The following IL23R variants were observed in gnomAD, a reference collection of about 807,000 sequenced individuals.
IL23R encodes interleukin 23 receptor, also known as interleukin-23 receptor.
A neutral mutation model predicts 56.9 loss-of-function variants in IL23R; 34 were observed. That is an observed-to-expected ratio of 0.60 (90% CI 0.45 to 0.80). The LOEUF is 0.80. Ranked by LOEUF, IL23R falls within the 30% of genes least tolerant of loss-of-function variation. The pLI is 0.00. For synonymous variants in IL23R, 230 were observed against 249.2 expected, an observed-to-expected ratio of 0.92 and a Z score of 0.73; for missense variants, 635 against 730.0, an observed-to-expected ratio of 0.87 and a Z score of 1.50.
intron 1 of IL23R, among the ~76,000 whole-genome samples, chr1:67,146,744 C>T (rs549750881): frequency 1.3e-5 from 2 of 152,214 alleles, no homozygotes; most frequent in South Asian, 2.1e-4. Flanking sequence ...CAGAGAAGAC[C>T]GAAACCAAGA....
intron 10 of IL23R, among the ~76,000 whole-genome samples, chr1:67,256,517 T>C (rs1031614064): frequency 6.6e-6 from 1 of 152,180 alleles, no homozygotes; most frequent in Non-Finnish European, 1.5e-5. Flanking sequence ...GAACAAGCTA[T>C]GTGTGTTCCT....
intron 4 of IL23R, among the ~76,000 whole-genome samples, chr1:67,187,791 C>T (rs914396492): frequency 1.3e-5 from 2 of 152,174 alleles, no homozygotes; most frequent in Non-Finnish European, 2.9e-5. Context: ...GCTGGCCAGG[C>T]GCAGTGGCAC....
At chr1:67,261,556 C>T (rs1653206237), downstream of IL23R, among the ~76,000 whole-genome samples, 1 of 151,758 alleles carries the variant, frequency 6.6e-6, no homozygotes, top group African/African-American at 2.4e-5. Flanking sequence ...TTTTAAATCA[C>T]TAATGAAATG....
intron 7 of IL23R, among the ~76,000 whole-genome samples, chr1:67,225,750 TC>T (rs1241849950): frequency 6.6e-6 from 1 of 151,384 alleles, no homozygotes; most frequent in Non-Finnish European, 1.5e-5. Flanking sequence ...CCTCAAATGA[TC>T]CCCCTGCCTT....
intron 9 of IL23R, among the ~76,000 whole-genome samples, chr1:67,251,980 C>A (rs980734098): frequency 6.6e-6 from 1 of 152,100 alleles, no homozygotes; most frequent in African/African-American, 2.4e-5. Context: ...CAAAGTCAAG[C>A]TCCCAAGAAT....
At chr1:67,178,983 G>T (rs1647051317) in intron 3 of IL23R, among the ~76,000 whole-genome samples, 1 of 152,170 alleles carries the variant, frequency 6.6e-6, no homozygotes, top group Admixed American at 6.5e-5. Context: ...GATCATGGTG[G>T]ATAAGCTTTT....
At chr1:67,240,022 A>G (rs1651749802) in intron 8 of IL23R, among the ~76,000 whole-genome samples, 157 bp from the exon 9 acceptor site, 1 of 152,248 alleles carries the variant, frequency 6.6e-6, no homozygotes, top group African/African-American at 2.4e-5. Context: ...ACTCTGGAAA[A>G]ACAGTCACTC....
At chr1:67,160,023 AT>A (rs1646804589) in intron 1 of IL23R, among the ~76,000 whole-genome samples, 1 of 152,088 alleles carries the variant, frequency 6.6e-6, no homozygotes. Flanking sequence ...TTATTTATTT[AT>A]TTTTAAAAAA....
intron 6 of IL23R, among the ~76,000 whole-genome samples, chr1:67,213,819 G>C (rs1363788518): frequency 6.6e-6 from 1 of 152,168 alleles, no homozygotes; most frequent in Non-Finnish European, 1.5e-5. Context: ...CATGACTCTA[G>C]TTATCTCTTG....
chr1:67,248,204 G>A (rs1652369734), intron 9 of IL23R, among the ~76,000 whole-genome samples: 1 of 152,170 alleles, frequency 6.6e-6, no homozygotes, highest in Non-Finnish European at 1.5e-5. Flanking sequence ...ATCCTGAAAT[G>A]TGTTTTACAA....
At chr1:67,210,460 T>A (rs975632474) in intron 6 of IL23R, among the ~76,000 whole-genome samples, 5 of 151,962 alleles carry the variant, frequency 3.3e-5, no homozygotes, top group Non-Finnish European at 5.9e-5. Flanking sequence ...CTTCCGATAC[T>A]TTTTTAAGGT....
At chr1:67,152,596 T>C (rs1045770026) in intron 1 of IL23R, among the ~76,000 whole-genome samples, 1 of 152,192 alleles carries the variant, frequency 6.6e-6, no homozygotes, top group African/African-American at 2.4e-5. Flanking sequence ...TTGTCATAAA[T>C]AGCTCTTATT....
At chr1:67,140,235 A>G (rs893302224) in intron 1 of IL23R, among the ~76,000 whole-genome samples, 3 of 152,230 alleles carry the variant, frequency 2.0e-5, no homozygotes, top group Non-Finnish European at 2.9e-5. Flanking sequence ...CAAAATATTT[A>G]AAGTAAAAAA....
At chr1:67,190,625 G>T (rs185454323) in intron 4 of IL23R, among the ~76,000 whole-genome samples, 8 of 152,050 alleles carry the variant, frequency 5.3e-5, no homozygotes, top group Admixed American at 3.9e-4. Context: ...CCTGCATTCT[G>T]TTCCATTCAA....
At chr1:67,209,580 A>G (rs1570853668) in intron 6 of IL23R, among the ~76,000 whole-genome samples, 1 of 152,086 alleles carries the variant, frequency 6.6e-6, no homozygotes, top group South Asian at 2.1e-4. Flanking sequence ...GCCTTTCACC[A>G]CCCATCATCA....
At chr1:67,195,300 TG>T (rs1648057238) in intron 4 of IL23R, among the ~76,000 whole-genome samples, 2 of 152,354 alleles carry the variant, frequency 1.3e-5, no homozygotes, top group African/African-American at 2.4e-5. Flanking sequence ...CCCAAAGTGC[TG>T]GGATTACAGG....
chr1:67,165,896 A>G (rs1346859721), upstream of IL23R, among the ~76,000 whole-genome samples: 1 of 152,240 alleles, frequency 6.6e-6, no homozygotes, highest in Non-Finnish European at 1.5e-5. Flanking sequence ...GATATACAGT[A>G]TGGTGACCAT....
chr1:67,152,217 T>C (rs1646734673), intron 1 of IL23R, among the ~76,000 whole-genome samples: 1 of 152,246 alleles, frequency 6.6e-6, no homozygotes, highest in South Asian at 2.1e-4. Context: ...TTATTACCTT[T>C]GCAGCATTTG....
At chr1:67,153,237 A>T (rs1646743774) in intron 1 of IL23R, among the ~76,000 whole-genome samples, 1 of 152,222 alleles carries the variant, frequency 6.6e-6, no homozygotes, top group South Asian at 2.1e-4. Context: ...ATTTGCATAG[A>T]GGTGTTTATA....
Sources: gnomAD v4.1 joint callset for allele counts (sites outside exome capture counted in the v4.1 genomes callset) on GRCh38, gnomAD v4.1.1 for gene constraint, MANE v1.5 for transcripts, NCBI Gene and HGNC (gene_info 2026-07-23, HGNC 2026-07-21) for gene names.